Variants in TPPP observed in about 807,000 individuals in gnomAD.
TPPP encodes the protein tubulin polymerization promoting protein.
Under a neutral mutation model 15.5 loss-of-function variants are expected in TPPP, and 6 were observed. The ratio of observed to expected loss-of-function variants is 0.39; its 90% CI spans 0.21 to 0.77. The LOEUF (loss-of-function observed/expected upper bound fraction) is 0.77. Ranked by LOEUF, TPPP falls within the 30% of genes least tolerant of loss-of-function variation. The probability of loss-of-function intolerance (pLI) is 0.42; values close to 1 mark genes in which losing one functional copy is unlikely to be tolerated. For synonymous variants in TPPP, 146 were observed against 133.9 expected (o/e 1.09, Z -0.63); for missense variants, 269 against 307.2 (o/e 0.88, Z 0.93).
chr5:699,404 G>C, the TPPP span, among the ~76,000 whole-genome samples: 1,362 of 152,052 alleles, frequency 9.0e-3, 26 homozygotes, highest in Non-Finnish European at 0.012. Context: ...GCTGGGAAAA[G>C]TGGATTGGCA....
rs571823986 is a variant in TPPP at position 670,194 on chromosome 5, C to T, written c.312-4071G>A. On this transcript the variant is annotated intron_variant, in intron 2 of 3. Transcript: ENST00000360578. ...CTCCGAGGACTGAGGCCTGTTCCTC[C>T]GGGGCGGACGTCACAGGCCCCGCTG... is the stretch of plus-strand genomic sequence containing the variant. Among the ~76,000 whole-genome samples, 12 of 152,304 alleles carry T rather than the reference C, an allele frequency of 7.9e-5. No homozygotes were observed. The South Asian group carries it at 8.3e-4, about 11-fold the overall frequency.
At chr5:679,416 TGGA>T (rs1740558979) in intron 1 of TPPP, among the ~76,000 whole-genome samples, 3 of 85,520 alleles carry the variant, frequency 3.5e-5, no homozygotes, top group Admixed American at 1.1e-4. Flanking sequence ...ATCCTGGGGG[TGGA>T]AGGGCCGCCT....
the TPPP span, among the ~76,000 whole-genome samples, chr5:698,469 A>C: frequency 6.6e-6 from 1 of 152,024 alleles, no homozygotes; most frequent in African/African-American, 2.4e-5. Flanking sequence ...GGTAATTTAT[A>C]AACAAAATGA....
At chr5:676,703 G>GGGT (rs1740444224) in intron 2 of TPPP, 1 of 152,292 alleles carries the variant, frequency 6.6e-6, no homozygotes, top group African/African-American at 2.4e-5. Flanking sequence ...GGGCGTGTGA[G>GGGT]GGTGCCTCAG....
the TPPP span, among the ~76,000 whole-genome samples, chr5:699,293 T>C: frequency 6.6e-6 from 1 of 152,034 alleles, no homozygotes; most frequent in African/African-American, 2.4e-5. Context: ...AATAGACATC[T>C]AGATTAATGG....
rs1167484052 is a variant in TPPP, at chr5:660,634, G to A, written c.*4468C>T. On this transcript the variant is annotated 3_prime_UTR_variant, in exon 4 of 4. Transcript: ENST00000360578. ...GAGGAGATGAGCTGGGCCAGTAGAG[G>A]GACAGGTAAGTGTCCAGGGCCAAGG... is the stretch of plus-strand genomic sequence containing the variant. The A allele has an allele frequency of 6.6e-6, 1 of 152,314 alleles. No individual in the cohort carries two copies. Among genetic ancestry groups the A allele is most frequent in the African/African-American group, 2.4e-5 (1 of 41,428 alleles). The allele number at this position is 152,314 out of a possible 1,614,324, so 9.4% of individuals were successfully genotyped here.
Position 664,920 on chromosome 5 carries a change from A to C in TPPP, c.*182T>G, listed in dbSNP as rs1739830238. On this transcript the variant is annotated 3_prime_UTR_variant, in exon 4 of 4. Coordinates refer to ENST00000360578, the MANE Select transcript of TPPP (RefSeq NM_007030.3). The stretch of plus-strand genomic sequence containing the variant: ...GGGCCCAAACCTGGTTTGAGAGGGG[A>C]GTGCTGGGGGCATCCGGTAGGAGGA... 1.6e-6 allele frequency: 1 copy of C among 641,910 alleles called. No individual in the cohort carries two copies. Among genetic ancestry groups the C allele is most frequent in the Non-Finnish European group, 2.6e-6 (1 of 378,840 alleles). The allele number at this position is 641,910 out of a possible 1,614,324, so 39.8% of individuals were successfully genotyped here. A position where few individuals can be genotyped will look rare whatever the true frequency, so the allele number is the denominator to read the frequency against.
intron 3 of TPPP, among the ~76,000 whole-genome samples, chr5:665,543 CCCA>C (rs1433529791): frequency 6.6e-6 from 1 of 151,898 alleles, no homozygotes; most frequent in East Asian, 1.9e-4. Flanking sequence ...AGTTGGGGAC[CCCA>C]CCACCTGCAC....
chr5:666,693 G>A (rs924514408), intron 2 of TPPP, among the ~76,000 whole-genome samples: 1 of 152,082 alleles, frequency 6.6e-6, no homozygotes, highest in Non-Finnish European at 1.5e-5. Context: ...CCGGTGGGCC[G>A]GAGGTGCCAT....
chr5:687,185 CAT>C (rs1166378452), intron 1 of TPPP, among the ~76,000 whole-genome samples: 2 of 141,112 alleles, frequency 1.4e-5, no homozygotes, highest in Non-Finnish European at 3.2e-5. Context: ...GAAGCTGACT[CAT>C]GAGATGCCTG....
chr5:698,791 ACT>A, the TPPP span, among the ~76,000 whole-genome samples: 3 of 151,858 alleles, frequency 2.0e-5, no homozygotes, highest in Non-Finnish European at 4.4e-5. Flanking sequence ...CCACCAAAAA[ACT>A]CTTAGATTTG....
At chr5:670,961 G>C (rs1384431398) in intron 2 of TPPP, among the ~76,000 whole-genome samples, 1 of 152,216 alleles carries the variant, frequency 6.6e-6, no homozygotes, top group African/African-American at 2.4e-5. Flanking sequence ...ACTTGGCTCA[G>C]AGGATGGATG....
chr5:696,408 C>G (rs1741011826), upstream of TPPP, among the ~76,000 whole-genome samples: 1 of 144,318 alleles, frequency 6.9e-6, no homozygotes, highest in Non-Finnish European at 1.6e-5. Context: ...CTGGACCTGT[C>G]AGGTGTCCAC....
intron 1 of TPPP, among the ~76,000 whole-genome samples, chr5:687,351 C>A (rs1740793636): frequency 7.8e-6 from 1 of 127,898 alleles, no homozygotes; most frequent in Non-Finnish European, 1.7e-5. Context: ...GTCTTTGAGG[C>A]CCTCAGGTGG....
chr5:684,437 T>G (rs1740712389), intron 1 of TPPP, among the ~76,000 whole-genome samples: 1 of 152,082 alleles, frequency 6.6e-6, no homozygotes, highest in Non-Finnish European at 1.5e-5. Flanking sequence ...TGGACAGCTC[T>G]CGGCGCTGGA....
intron 2 of TPPP, among the ~76,000 whole-genome samples, chr5:674,871 T>C (rs1198881875): frequency 6.6e-6 from 1 of 150,390 alleles, no homozygotes. Context: ...CTGTGGGAGC[T>C]GCCCCTTGCC....
At chr5:674,379 G>A (rs62330305) in intron 2 of TPPP, among the ~76,000 whole-genome samples, 2,288 of 152,298 alleles carry the variant, frequency 0.015, 29 homozygotes, top group Non-Finnish European at 0.02. Context: ...CAGCCAAGGG[G>A]AGGAGCTGCC....
At chr5:681,630 G>A (rs1343227884) in intron 1 of TPPP, among the ~76,000 whole-genome samples, 1 of 152,186 alleles carries the variant, frequency 6.6e-6, no homozygotes, top group Non-Finnish European at 1.5e-5. Context: ...GACCACAAGT[G>A]GGGCCTGGCC....
At chr5:666,484 C>T (rs1248093722) in intron 2 of TPPP, among the ~76,000 whole-genome samples, 1 of 152,230 alleles carries the variant, frequency 6.6e-6, no homozygotes, top group African/African-American at 2.4e-5. Context: ...CTAGGACCTG[C>T]TGGGGCCCCG....
Sources: allele counts gnomAD v4.1 joint callset (sites outside exome capture counted in the v4.1 genomes callset), GRCh38; gene constraint gnomAD v4.1.1; transcripts MANE v1.5; gene names NCBI Gene and HGNC (gene_info 2026-07-23, HGNC 2026-07-21).